Variants in CNTNAP2 observed in about 807,000 individuals in gnomAD.
CNTNAP2 encodes the protein contactin associated protein 2, also known as contactin-associated protein-like 2.
A neutral mutation model predicts 155.2 loss-of-function variants in CNTNAP2; 98 were observed. The ratio of observed to expected loss-of-function variants is 0.63; its 90% confidence interval spans 0.54 to 0.75. The LOEUF is 0.75. Among genes scored for constraint, CNTNAP2 ranks in the 30% least tolerant of loss-of-function variants. The pLI is 0.00. For missense variants in CNTNAP2, 1,727 were observed against 1,688.1 expected, an observed-to-expected ratio of 1.02 and a Z score of -0.40; for synonymous variants, 651 against 631.2, an observed-to-expected ratio of 1.03 and a Z score of -0.47.
intron 3 of CNTNAP2, among the ~76,000 whole-genome samples, chr7:146,863,944 C>T (rs1205952400): frequency 6.6e-6 from 1 of 152,002 alleles, no homozygotes; most frequent in Admixed American, 6.6e-5. Flanking sequence ...CTTTTCTGCC[C>T]TCTTTGCTAT....
At chr7:146,850,311 A>G (rs1794854743) in intron 3 of CNTNAP2, among the ~76,000 whole-genome samples, 2 of 152,194 alleles carry the variant, frequency 1.3e-5, no homozygotes, top group Non-Finnish European at 2.9e-5. Flanking sequence ...TCACCAATAT[A>G]TTTTGATGAG....
chr7:146,172,790 G>C (rs1229294694), intron 1 of CNTNAP2, among the ~76,000 whole-genome samples: 1 of 152,150 alleles, frequency 6.6e-6, no homozygotes, highest in Non-Finnish European at 1.5e-5. Flanking sequence ...CTCTTCCTTA[G>C]TGTTTTTCAA....
chr7:146,490,343 GC>G (rs1267896469), intron 1 of CNTNAP2, among the ~76,000 whole-genome samples: 65 of 152,212 alleles, frequency 4.3e-4, no homozygotes, highest in African/African-American at 1.5e-3. Flanking sequence ...GAAGAAAAAG[GC>G]AATATACAAG....
chr7:148,235,976 C>A (rs969596467), intron 20 of CNTNAP2, among the ~76,000 whole-genome samples: 6 of 147,954 alleles, frequency 4.1e-5, no homozygotes, highest in African/African-American at 1.2e-4. Context: ...TGAGCCACCG[C>A]GCCTGGCTAC....
chr7:146,868,694 G>T (rs897316479), intron 3 of CNTNAP2, among the ~76,000 whole-genome samples: 1 of 152,016 alleles, frequency 6.6e-6, no homozygotes, highest in Non-Finnish European at 1.5e-5. Context: ...ATTTCCTTGA[G>T]CAGTGTTTTG....
intron 1 of CNTNAP2, among the ~76,000 whole-genome samples, chr7:146,362,695 G>GT (rs1300652288): frequency 2.0e-5 from 3 of 151,164 alleles, no homozygotes; most frequent in African/African-American, 7.3e-5. Flanking sequence ...TGGAGGAAGG[G>GT]TTTTAGGTAG....
intron 13 of CNTNAP2, among the ~76,000 whole-genome samples, chr7:147,748,300 T>C (rs1393877928): frequency 6.6e-6 from 1 of 151,762 alleles, no homozygotes; most frequent in Non-Finnish European, 1.5e-5. Flanking sequence ...GTCAATGGAG[T>C]GAGATACTTA....
intron 1 of CNTNAP2, among the ~76,000 whole-genome samples, chr7:146,201,614 A>C (rs1798861576): frequency 6.6e-6 from 1 of 151,252 alleles, no homozygotes; most frequent in Admixed American, 6.6e-5. Context: ...CAAATGAAAC[A>C]GAACTTTTTT....
chr7:146,202,170 C>A (rs1241404642), intron 1 of CNTNAP2, among the ~76,000 whole-genome samples: 3 of 152,078 alleles, frequency 2.0e-5, no homozygotes. Context: ...TTTTGAGTTG[C>A]CACAGTTGAG....
chr7:147,920,447 G>C (rs1258454629), intron 14 of CNTNAP2, among the ~76,000 whole-genome samples: 1 of 151,742 alleles, frequency 6.6e-6, no homozygotes, highest in Non-Finnish European at 1.5e-5. Flanking sequence ...CTGATGCTGA[G>C]AGCTTCCAGC....
chr7:146,969,766 A>C (rs1243768164), intron 3 of CNTNAP2, among the ~76,000 whole-genome samples: 1 of 152,170 alleles, frequency 6.6e-6, no homozygotes, highest in Non-Finnish European at 1.5e-5. Flanking sequence ...ATCCTAAGCC[A>C]AAAGAACACA....
At chr7:146,361,030 T>C (rs541244996) in intron 1 of CNTNAP2, among the ~76,000 whole-genome samples, 5 of 152,340 alleles carry the variant, frequency 3.3e-5, no homozygotes, top group African/African-American at 1.2e-4. Context: ...TAGTACCCTA[T>C]GTTAATTGCA....
chr7:148,328,929 T>C (rs1797938638), intron 21 of CNTNAP2, among the ~76,000 whole-genome samples: 1 of 134,286 alleles, frequency 7.4e-6, no homozygotes, highest in South Asian at 2.4e-4. Flanking sequence ...TGAGCCGAGA[T>C]TGTGCCACTG....
At chr7:148,202,055 T>C (rs1795378122) in intron 18 of CNTNAP2, among the ~76,000 whole-genome samples, 1 of 152,042 alleles carries the variant, frequency 6.6e-6, no homozygotes, top group Non-Finnish European at 1.5e-5. Context: ...TGTTTCTTTG[T>C]AGGATTGGCC....
chr7:148,287,793 TTC>T (rs1491084663), intron 21 of CNTNAP2, among the ~76,000 whole-genome samples: 10,058 of 39,058 alleles, frequency 0.26, 551 homozygotes, highest in African/African-American at 0.34. Context: ...CTTTCTTTTT[TTC>T]TTTTTTTTTT....
chr7:146,164,201 T>C (rs1798276431), intron 1 of CNTNAP2, among the ~76,000 whole-genome samples: 1 of 152,184 alleles, frequency 6.6e-6, no homozygotes. Flanking sequence ...TTTGCTTTCT[T>C]TCACGATAAA....
intron 16 of CNTNAP2, among the ~76,000 whole-genome samples, chr7:148,127,037 G>A (rs1804730475): frequency 6.6e-6 from 1 of 152,136 alleles, no homozygotes; most frequent in South Asian, 2.1e-4. Context: ...GGGCACGGTG[G>A]CTCATGCCTA....
intron 13 of CNTNAP2, among the ~76,000 whole-genome samples, chr7:147,818,089 CTG>C (rs1798304591): frequency 6.6e-6 from 1 of 151,780 alleles, no homozygotes; most frequent in Non-Finnish European, 1.5e-5. Context: ...TCCCACATAA[CTG>C]TATATCTTAA....
intron 13 of CNTNAP2, among the ~76,000 whole-genome samples, chr7:147,813,261 C>T (rs145977052): frequency 8.5e-5 from 13 of 152,186 alleles, no homozygotes; most frequent in Admixed American, 6.5e-4. Flanking sequence ...ACTAGTCTCA[C>T]CAGGGGAAGT....
Sources: allele counts gnomAD v4.1 joint callset (sites outside exome capture counted in the v4.1 genomes callset), GRCh38; gene constraint gnomAD v4.1.1; transcripts MANE v1.5; gene names NCBI Gene and HGNC (gene_info 2026-07-23, HGNC 2026-07-21).